PXYLP1: variants seen among roughly 807,000 people sequenced by gnomAD.
PXYLP1 encodes the protein 2-phosphoxylose phosphatase 1.
Under a neutral mutation model 37.9 loss-of-function variants are expected in PXYLP1, and 17 were observed. The ratio of observed to expected loss-of-function variants is 0.45; its 90% CI spans 0.31 to 0.67. PXYLP1 has a LOEUF of 0.67. Ranked by LOEUF, PXYLP1 falls within the 30% of genes least tolerant of loss-of-function variation. The pLI is 0.07. For synonymous variants in PXYLP1, 221 were observed against 232.2 expected (o/e 0.95, Z 0.44); for missense variants, 511 against 612.0 (o/e 0.84, Z 1.74).
At chr3:141,289,122 T>C (rs1345979968) in intron 5 of PXYLP1, among the ~76,000 whole-genome samples, 1 of 152,248 alleles carries the variant, frequency 6.6e-6, no homozygotes, top group Non-Finnish European at 1.5e-5. Flanking sequence ...GATTGATGGA[T>C]GCTGTATTGT....
At chr3:141,265,325 G>A (rs540079476) in intron 2 of PXYLP1, among the ~76,000 whole-genome samples, 40 of 146,920 alleles carry the variant, frequency 2.7e-4, no homozygotes, top group Non-Finnish European at 4.5e-4. Context: ...TTGTCAAAAT[G>A]CATGTTCCAA....
chr3:141,249,934 C>T (rs914150932), intron 1 of PXYLP1, among the ~76,000 whole-genome samples: 1 of 151,854 alleles, frequency 6.6e-6, no homozygotes, highest in African/African-American at 2.4e-5. Flanking sequence ...TGATCAGATG[C>T]CTTGACAAGT....
intron 1 of PXYLP1, among the ~76,000 whole-genome samples, chr3:141,237,916 T>C (rs1275919116): frequency 6.6e-6 from 1 of 152,190 alleles, no homozygotes; most frequent in Admixed American, 6.5e-5. Flanking sequence ...CACATGCTGG[T>C]TGTTTTAACT....
intron 2 of PXYLP1, among the ~76,000 whole-genome samples, chr3:141,270,418 G>A (rs1416053058): frequency 6.6e-6 from 1 of 152,212 alleles, no homozygotes; most frequent in African/African-American, 2.4e-5. Context: ...ACTCTTCGTT[G>A]TGGTTCTGGT....
At chr3:141,262,629 A>G in intron 2 of PXYLP1, 1 of 1,494,938 alleles carries the variant, frequency 6.7e-7, no homozygotes. Flanking sequence ...TTTGCAGGGT[A>G]AATTAGCCTG....
chr3:141,254,487 T>C (rs1488160686), intron 1 of PXYLP1, among the ~76,000 whole-genome samples: 1 of 152,238 alleles, frequency 6.6e-6, no homozygotes, highest in East Asian at 1.9e-4. Flanking sequence ...GAATAACTGC[T>C]GTGAACTCAC....
chr3:141,247,733 C>T (rs1189463414), intron 1 of PXYLP1, among the ~76,000 whole-genome samples: 6 of 152,164 alleles, frequency 3.9e-5, no homozygotes, highest in African/African-American at 9.7e-5. Context: ...TACAGTATAG[C>T]TTTTTGCCCT....
intron 2 of PXYLP1, among the ~76,000 whole-genome samples, chr3:141,275,080 GTGAACT>G (rs1941761154): frequency 6.6e-6 from 1 of 152,192 alleles, no homozygotes; most frequent in South Asian, 2.1e-4. Context: ...AAGGCCCCTT[GTGAACT>G]GATGCTATGT....
chr3:141,246,976 A>G (rs1225818703), intron 1 of PXYLP1, among the ~76,000 whole-genome samples: 1 of 152,182 alleles, frequency 6.6e-6, no homozygotes, highest in East Asian at 1.9e-4. Context: ...AGTCCTCCCA[A>G]AAAGGCAGTC....
intron 2 of PXYLP1, among the ~76,000 whole-genome samples, chr3:141,260,685 C>A (rs988490524): frequency 2.0e-5 from 3 of 152,200 alleles, no homozygotes; most frequent in African/African-American, 7.2e-5. Flanking sequence ...AACCCACCCC[C>A]CAGGCAGCAG....
intron 2 of PXYLP1, among the ~76,000 whole-genome samples, chr3:141,266,097 T>C (rs1559887986): frequency 1.3e-5 from 2 of 152,250 alleles, no homozygotes; most frequent in Non-Finnish European, 2.9e-5. Context: ...TATTCCCTGC[T>C]GGTGAAGCCC....
intron 3 of PXYLP1, among the ~76,000 whole-genome samples, 159 bp from the exon 4 acceptor site, chr3:141,279,219 G>A (rs1470692328): frequency 6.6e-6 from 1 of 152,180 alleles, no homozygotes; most frequent in African/African-American, 2.4e-5. Flanking sequence ...ATGGCAGCCA[G>A]GGCCCCTTCA....
chr3:141,281,960 C>A (rs962064234), intron 4 of PXYLP1, among the ~76,000 whole-genome samples: 1 of 151,900 alleles, frequency 6.6e-6, no homozygotes, highest in African/African-American at 2.4e-5. Context: ...GTGAGAGAGC[C>A]GGGCAGTGAA....
At chr3:141,256,548 G>T (rs1011998578) in intron 1 of PXYLP1, among the ~76,000 whole-genome samples, 1 of 152,014 alleles carries the variant, frequency 6.6e-6, no homozygotes, top group Non-Finnish European at 1.5e-5. Flanking sequence ...GTATGCGCGT[G>T]TGCGCACACA....
At chr3:141,276,176 T>A (rs1418282405) in intron 2 of PXYLP1, among the ~76,000 whole-genome samples, 1 of 152,244 alleles carries the variant, frequency 6.6e-6, no homozygotes. Flanking sequence ...GTTTACACTA[T>A]GACAAAATTG....
chr3:141,279,625 C>T (rs971151470), intron 4 of PXYLP1, 121 bp downstream of exon 4: 22 of 1,256,262 alleles, frequency 1.8e-5, no homozygotes, highest in African/African-American at 3.0e-5. Context: ...TCAGAGCAGT[C>T]CTACATGTGA....
At chr3:141,280,509 T>G (rs1168956327) in intron 4 of PXYLP1, among the ~76,000 whole-genome samples, 1 of 152,244 alleles carries the variant, frequency 6.6e-6, no homozygotes, top group Non-Finnish European at 1.5e-5. Context: ...ACATTCTGTA[T>G]TTTTAGAAGC....
intron 1 of PXYLP1, among the ~76,000 whole-genome samples, chr3:141,243,283 A>C (rs1180954148): frequency 6.6e-6 from 1 of 152,186 alleles, no homozygotes; most frequent in Non-Finnish European, 1.5e-5. Context: ...GCCATGATGT[A>C]ACTCAGAGGT....
chr3:141,279,448 G>C lies in PXYLP1; in HGVS notation c.309G>C (p.Leu103=). The C allele has an allele frequency of 6.2e-7, 1 of 1,614,090 alleles. No individual in the cohort carries two copies. The highest frequency in any genetic ancestry group is 8.5e-7 in the Non-Finnish European group (1 of 1,179,972). Residue 103 remains leucine, a synonymous_variant, in exon 4 of 6, where the codon CTG becomes CTC. Coordinates refer to ENST00000286353, the MANE Select transcript of PXYLP1 (RefSeq NM_001037172.3). The part of the protein sequence containing the change: ...VFIRHGDRYP[L]YVIPKTKRPE... ...TTCGCCACGGAGACAGGTACCCACTGTATGTCATTCCCAAAACAAAGCGAC... is the reference window on the plus strand; with the variant it reads ...TTCGCCACGGAGACAGGTACCCACTCTATGTCATTCCCAAAACAAAGCGAC...
Sources: gnomAD v4.1 joint callset for allele counts (sites outside exome capture counted in the v4.1 genomes callset) on GRCh38, gnomAD v4.1.1 for gene constraint, MANE v1.5 for transcripts, NCBI Gene and HGNC (gene_info 2026-07-23, HGNC 2026-07-21) for gene names.